LINGO2: variants seen among roughly 807,000 people sequenced by gnomAD.
LINGO2 encodes the protein leucine rich repeat and Ig domain containing 2, also known as leucine-rich repeat and immunoglobulin-like domain-containing nogo receptor-interacting protein 2.
LINGO2 carries 14 observed loss-of-function variants against 30.6 expected under a neutral mutation model. The observed-to-expected ratio is 0.46, with a 90% confidence interval of 0.30 to 0.72. The LOEUF (loss-of-function observed/expected upper bound fraction) is 0.72. Ranked by LOEUF, LINGO2 falls within the 30% of genes least tolerant of loss-of-function variation. LINGO2 has a pLI of 0.07. For missense variants in LINGO2, 729 were observed against 751.7 expected (o/e 0.97, Z 0.35); for synonymous variants, 317 against 288.5 (o/e 1.10, Z -1.00).
the LINGO2 span, among the ~76,000 whole-genome samples, chr9:28,990,151 T>G: frequency 6.6e-6 from 1 of 151,752 alleles, no homozygotes; most frequent in Non-Finnish European, 1.5e-5. Context: ...AAGAAAGGGG[T>G]GACACTGCGC....
chr9:29,198,284 T>C, the LINGO2 span, among the ~76,000 whole-genome samples: 1 of 152,156 alleles, frequency 6.6e-6, no homozygotes, highest in Non-Finnish European at 1.5e-5. Context: ...AGGTCATCTA[T>C]GCAGAACTTG....
chr9:28,357,316 C>A (rs1219199702), intron 3 of LINGO2, among the ~76,000 whole-genome samples: 6 of 28,722 alleles, frequency 2.1e-4, no homozygotes, highest in African/African-American at 1.2e-3. Flanking sequence ...AGAAATAAAG[C>A]CCACCCCCCC....
chr9:28,727,656 C>CT, the LINGO2 span, among the ~76,000 whole-genome samples: 10 of 152,116 alleles, frequency 6.6e-5, no homozygotes, highest in African/African-American at 2.4e-4. Flanking sequence ...AAACAGTCAA[C>CT]TGGGTACTGA....
At chr9:28,584,770 G>A (rs1288293791) in intron 1 of LINGO2, among the ~76,000 whole-genome samples, 1 of 151,982 alleles carries the variant, frequency 6.6e-6, no homozygotes. Context: ...AGAGAGATCA[G>A]AAAGAAAATT....
At chr9:28,681,044 T>C in the LINGO2 span, among the ~76,000 whole-genome samples, 7 of 152,260 alleles carry the variant, frequency 4.6e-5, 1 homozygote, top group East Asian at 7.7e-4. Context: ...AACTTTTCCA[T>C]GTCTTCTTCA....
chr9:28,057,589 A>G, intron 4 of LINGO2, among the ~76,000 whole-genome samples: 1 of 146,734 alleles, frequency 6.8e-6, no homozygotes, highest in Non-Finnish European at 1.5e-5. Flanking sequence ...ATATATGTAT[A>G]TACATATATA....
At chr9:28,397,845 C>G (rs1168338318) in intron 2 of LINGO2, among the ~76,000 whole-genome samples, 1 of 152,060 alleles carries the variant, frequency 6.6e-6, no homozygotes, top group African/African-American at 2.4e-5. Context: ...CCATACCCGG[C>G]CAATAGATGT....
At chr9:28,335,466 C>T (rs1283475531) in intron 3 of LINGO2, among the ~76,000 whole-genome samples, 4 of 152,180 alleles carry the variant, frequency 2.6e-5, no homozygotes, top group Non-Finnish European at 5.9e-5. Context: ...AATATCCATG[C>T]TTTCCATATA....
intron 4 of LINGO2, among the ~76,000 whole-genome samples, chr9:28,070,363 T>A (rs1246107553): frequency 6.6e-6 from 1 of 152,142 alleles, no homozygotes; most frequent in Non-Finnish European, 1.5e-5. Context: ...CAAGTTTATC[T>A]GACTTTAAAA....
At chr9:28,355,048 A>G (rs60787585) in intron 3 of LINGO2, among the ~76,000 whole-genome samples, 2,885 of 152,218 alleles carry the variant, frequency 0.019, 100 homozygotes, top group African/African-American at 0.066. Context: ...AACTTACCCA[A>G]AACATTCTAA....
At chr9:28,737,164 G>C in the LINGO2 span, among the ~76,000 whole-genome samples, 1 of 152,274 alleles carries the variant, frequency 6.6e-6, no homozygotes, top group African/African-American at 2.4e-5. Context: ...TTCTTGAATA[G>C]AAAAGGTCAT....
chr9:28,279,546 A>G (rs1823245636), intron 4 of LINGO2, among the ~76,000 whole-genome samples: 1 of 152,220 alleles, frequency 6.6e-6, no homozygotes, highest in South Asian at 2.1e-4. Flanking sequence ...GAAGGATCAC[A>G]TGAAGGTTAG....
chr9:28,712,597 C>T, the LINGO2 span, among the ~76,000 whole-genome samples: 8 of 151,558 alleles, frequency 5.3e-5, no homozygotes, highest in Middle Eastern at 3.4e-3. Flanking sequence ...ACAGTACCTA[C>T]TTTGTATGAC....
the LINGO2 span, among the ~76,000 whole-genome samples, chr9:28,923,953 G>A: frequency 5.6e-3 from 770 of 137,240 alleles, 12 homozygotes; most frequent in African/African-American, 0.025. Flanking sequence ...GGTAGGCACT[G>A]TCACAGACTC....
the LINGO2 span, among the ~76,000 whole-genome samples, chr9:28,746,828 T>C: frequency 6.6e-6 from 1 of 152,068 alleles, no homozygotes; most frequent in South Asian, 2.1e-4. Context: ...ATCTAACCAT[T>C]TACTAGTTCC....
chr9:29,203,964 A>G, the LINGO2 span, among the ~76,000 whole-genome samples: 24,911 of 152,230 alleles, frequency 0.16, 2,110 homozygotes, highest in South Asian at 0.28. Flanking sequence ...ATTACACATT[A>G]AGAAACAGGT....
At chr9:28,928,105 C>T in the LINGO2 span, among the ~76,000 whole-genome samples, 1 of 152,194 alleles carries the variant, frequency 6.6e-6, no homozygotes, top group Non-Finnish European at 1.5e-5. Flanking sequence ...AGTCATTTAT[C>T]CAAGATTTCT....
At chr9:28,990,959 T>C in the LINGO2 span, among the ~76,000 whole-genome samples, 4 of 152,238 alleles carry the variant, frequency 2.6e-5, no homozygotes, top group African/African-American at 9.6e-5. Context: ...GCAGAGCACT[T>C]CTCCTCCTCC....
At position 28,442,779 on chromosome 9, in the gene LINGO2, T is replaced by TTA. The variant is rs149764224; in HGVS notation, c.-279+33159_-279+33160dup. On this transcript the variant is annotated intron_variant, in intron 2 of 5. Coordinates refer to ENST00000379992, the Ensembl canonical transcript of LINGO2. ...AGTGGTATAAGCATTCCTGTGACAGTTATATATATATATTCTTACAAATTC... is the reference window on the plus strand; with the variant it reads ...AGTGGTATAAGCATTCCTGTGACAGTTATATATATATATATTCTTACAAATTC... 3.4e-3 allele frequency among the ~76,000 whole-genome samples: 520 copies of TTA among 151,596 alleles called. 4 individuals carry two copies. The highest frequency in any genetic ancestry group is 0.011 in the African/African-American group (463 of 41,426).
Sources: allele counts gnomAD v4.1 joint callset (sites outside exome capture counted in the v4.1 genomes callset), GRCh38; gene constraint gnomAD v4.1.1; transcripts MANE v1.5; gene names NCBI Gene and HGNC (gene_info 2026-07-23, HGNC 2026-07-21).